Variants in CALN1 observed in about 807,000 individuals in gnomAD.
CALN1 encodes the protein calcium-binding protein 8.
A neutral mutation model predicts 30.6 loss-of-function variants in CALN1; 17 were observed. The ratio of observed to expected loss-of-function variants is 0.56; its 90% CI spans 0.38 to 0.83. CALN1 has a LOEUF of 0.83. CALN1 is among the 40% of genes least tolerant of loss of function. CALN1 has a pLI of 0.00. For synonymous variants in CALN1, 156 were observed against 131.4 expected, an observed-to-expected ratio of 1.19 and a Z score of -1.28; for missense variants, 291 against 354.9, an observed-to-expected ratio of 0.82 and a Z score of 1.45.
At chr7:72,488,384 A>C in the CALN1 span, among the ~76,000 whole-genome samples, 1 of 152,114 alleles carries the variant, frequency 6.6e-6, no homozygotes, top group Non-Finnish European at 1.5e-5. Flanking sequence ...AGAATAAAAA[A>C]AAATAAAAAT....
chr7:72,393,743 T>G (rs1163498809), intron 2 of CALN1, among the ~76,000 whole-genome samples: 1 of 22,764 alleles, frequency 4.4e-5, no homozygotes, highest in Non-Finnish European at 7.4e-5. Flanking sequence ...ACCATAGAGC[T>G]TTTTTTTTTT....
intron 1 of CALN1, among the ~76,000 whole-genome samples, chr7:72,430,740 T>C (rs1184266295): frequency 6.6e-6 from 1 of 152,128 alleles, no homozygotes; most frequent in East Asian, 1.9e-4. Context: ...GCGCTCTGCA[T>C]GGTATCCTGT....
the CALN1 span, among the ~76,000 whole-genome samples, chr7:72,476,272 C>T: frequency 4.6e-5 from 7 of 152,212 alleles, no homozygotes; most frequent in Admixed American, 6.5e-5. Context: ...CATGCCGCCA[C>T]GTAAGATGTG....
chr7:72,076,611 C>CAAAAAAAAAAAAAAAAAAAAAAAAAAAA lies in CALN1; in HGVS notation c.388+29512_388+29539dup, dbSNP rs572245834. Among the ~76,000 whole-genome samples, 3 of 6,120 alleles carry CAAAAAAAAAAAAAAAAAAAAAAAAAAAA rather than the reference C, an allele frequency of 4.9e-4. 1 individual carries two copies. Among genetic ancestry groups the CAAAAAAAAAAAAAAAAAAAAAAAAAAAA allele is most frequent in the Non-Finnish European group, 6.4e-4 (2 of 3,124 alleles). 4.0% of individuals were successfully genotyped at this position (6,120 alleles called of 152,430 possible). ...GAAACTCCGTCTAGAAAAAAAAAAG[C>CAAAAAAAAAAAAAAAAAAAAAAAAAAAA]AAAAAAAAAAAAAAAAAAAAAAAAA... is the stretch of plus-strand genomic sequence containing the variant. On this transcript the variant is annotated intron_variant, in intron 4 of 6. Coordinates refer to ENST00000395275, the MANE Select transcript of CALN1 (RefSeq NM_031468.4).
chr7:72,399,432 A>G (rs1027038865), intron 2 of CALN1, among the ~76,000 whole-genome samples: 2 of 151,474 alleles, frequency 1.3e-5, no homozygotes, highest in Admixed American at 1.3e-4. Context: ...CACCACCCCC[A>G]GCTAATTTTT....
chr7:72,436,212 C>T (rs1808154136), intron 1 of CALN1, among the ~76,000 whole-genome samples: 1 of 152,196 alleles, frequency 6.6e-6, no homozygotes, highest in Non-Finnish European at 1.5e-5. Context: ...GAATTGTAGC[C>T]ATAATCCCCA....
chr7:72,344,642 ATATT>A (rs1169204333), intron 2 of CALN1, among the ~76,000 whole-genome samples: 1 of 122,196 alleles, frequency 8.2e-6, no homozygotes, highest in African/African-American at 2.6e-5. Context: ...ATATATATTT[ATATT>A]TTTTTATTTA....
At chr7:72,411,844 A>T (rs752087515) in intron 1 of CALN1, among the ~76,000 whole-genome samples, 32 of 152,222 alleles carry the variant, frequency 2.1e-4, no homozygotes, top group Non-Finnish European at 4.4e-4. Context: ...CTTTTTCCAT[A>T]CAGATTATAT....
chr7:72,036,460 C>T (rs1801804143), intron 4 of CALN1, among the ~76,000 whole-genome samples: 1 of 152,174 alleles, frequency 6.6e-6, no homozygotes, highest in South Asian at 2.1e-4. Flanking sequence ...CTCTGGGACT[C>T]CCACAATAGG....
intron 2 of CALN1, among the ~76,000 whole-genome samples, chr7:72,295,438 G>T (rs942630575): frequency 1.3e-5 from 2 of 151,968 alleles, no homozygotes; most frequent in African/African-American, 4.8e-5. Context: ...CATTGAATCT[G>T]TAAATTGCCT....
chr7:72,132,901 A>G (rs1012841847), intron 3 of CALN1, among the ~76,000 whole-genome samples: 2 of 152,152 alleles, frequency 1.3e-5, no homozygotes, highest in African/African-American at 4.8e-5. Context: ...GGGCGAGTGA[A>G]CATTACTGCC....
intron 2 of CALN1, among the ~76,000 whole-genome samples, chr7:72,300,950 T>C (rs1054363175): frequency 1.3e-5 from 2 of 152,002 alleles, no homozygotes; most frequent in African/African-American, 4.8e-5. Context: ...GCTGAGATCA[T>C]GCCACCACAC....
intron 2 of CALN1, among the ~76,000 whole-genome samples, chr7:72,312,394 G>GAAAAA (rs768174448): frequency 2.8e-5 from 2 of 71,804 alleles, no homozygotes; most frequent in African/African-American, 9.0e-5. Flanking sequence ...CTTCATCTCA[G>GAAAAA]AAAAAAAAAA....
At position 72,368,893 on chromosome 7, in the gene CALN1, C is replaced by A. The variant is rs1804045422; in HGVS notation, c.119+34358G>T. Among the ~76,000 whole-genome samples, 3 of 148,120 alleles carry A rather than the reference C, an allele frequency of 2.0e-5. No homozygotes were observed. The South Asian group carries it at 6.4e-4, about 32-fold the overall frequency. ...GCAGCGGCACAATCTCAGTTCACTGCAACCTCCACCTACTGGGTTCAAGCG... is the reference window on the plus strand; with the variant it reads ...GCAGCGGCACAATCTCAGTTCACTGAAACCTCCACCTACTGGGTTCAAGCG... On this transcript the variant is annotated intron_variant, in intron 2 of 6. Transcript: ENST00000395275.
chr7:72,362,753 TCTTC>T (rs979918580), intron 2 of CALN1, among the ~76,000 whole-genome samples: 1 of 152,110 alleles, frequency 6.6e-6, no homozygotes, highest in Non-Finnish European at 1.5e-5. Flanking sequence ...CTGCAGCCTT[TCTTC>T]CTTTCTTCAA....
At chr7:71,807,555 A>G (rs1423656007) in intron 6 of CALN1, among the ~76,000 whole-genome samples, 1 of 152,232 alleles carries the variant, frequency 6.6e-6, no homozygotes, top group Non-Finnish European at 1.5e-5. Context: ...GGGATTATGT[A>G]ATGACCGTCC....
chr7:71,819,862 A>T (rs1223226212), intron 5 of CALN1, among the ~76,000 whole-genome samples: 1 of 152,114 alleles, frequency 6.6e-6, no homozygotes, highest in Non-Finnish European at 1.5e-5. Context: ...CATTTTCTGT[A>T]AACCCAAAAT....
intron 5 of CALN1, among the ~76,000 whole-genome samples, chr7:72,022,316 C>T (rs990598218): frequency 2.0e-5 from 3 of 152,234 alleles, no homozygotes; most frequent in Non-Finnish European, 4.4e-5. Context: ...CAAGGAGTTA[C>T]AGTCTAGTGA....
chr7:72,011,798 C>G (rs149326329), intron 5 of CALN1, among the ~76,000 whole-genome samples: 1 of 152,130 alleles, frequency 6.6e-6, no homozygotes, highest in Non-Finnish European at 1.5e-5. Context: ...GTATGCACCA[C>G]CAGACCCAGC....
Sources: allele counts gnomAD v4.1 joint callset (sites outside exome capture counted in the v4.1 genomes callset), GRCh38; gene constraint gnomAD v4.1.1; transcripts MANE v1.5; gene names NCBI Gene and HGNC (gene_info 2026-07-23, HGNC 2026-07-21).